Variants in SPATS2 observed in about 807,000 individuals in gnomAD.
SPATS2 encodes the protein spermatogenesis associated serine rich 2.
A neutral mutation model predicts 63.7 loss-of-function variants in SPATS2; 38 were observed. That is an observed-to-expected ratio of 0.60 (90% CI 0.46 to 0.78). SPATS2 has a LOEUF of 0.78. Among genes scored for constraint, SPATS2 ranks in the 30% least tolerant of loss-of-function variants. The pLI, the probability that SPATS2 is intolerant of heterozygous loss-of-function variation, is 0.00. For synonymous variants in SPATS2, 207 were observed against 232.9 expected (o/e 0.89, Z 1.01); for missense variants, 588 against 666.2 (o/e 0.88, Z 1.29).
intron 8 of SPATS2, among the ~76,000 whole-genome samples, chr12:49,498,304 A>C (rs1178521879): frequency 1.3e-5 from 2 of 151,932 alleles, no homozygotes; most frequent in Non-Finnish European, 2.9e-5. Context: ...TGTTTCCAGC[A>C]ATCAATTATA....
intron 9 of SPATS2, among the ~76,000 whole-genome samples, chr12:49,510,464 T>C (rs1450103466): frequency 1.4e-5 from 2 of 144,020 alleles, no homozygotes; most frequent in Non-Finnish European, 3.0e-5. Flanking sequence ...CTTAGAGGGC[T>C]GAGGCGGGAG....
intron 8 of SPATS2, among the ~76,000 whole-genome samples, chr12:49,498,145 A>AAAAATATATATATATATATAT (rs66900382): frequency 2.0e-5 from 2 of 98,980 alleles, no homozygotes; most frequent in African/African-American, 9.8e-5. Context: ...AAAAAAAAAA[A>AAAAATATATATATATATATAT]ATATATATAT....
intron 2 of SPATS2, among the ~76,000 whole-genome samples, chr12:49,371,620 T>C (rs1943998508): frequency 6.6e-6 from 1 of 152,194 alleles, no homozygotes; most frequent in Admixed American, 6.5e-5. Flanking sequence ...GAGGTTGAAT[T>C]GGCTCATGGT....
Position 49,449,307 on chromosome 12 carries a change from A to G in SPATS2, c.-243-11463A>G, listed in dbSNP as rs1945574656. ...CTCAGCTCACTGCAACCTCCGCCTC[A>G]CGGGTTCAAGCGATTTTCCTGCCTC... is the stretch of plus-strand genomic sequence containing the variant. On this transcript the variant is annotated intron_variant, in intron 2 of 13. Transcript: ENST00000552918. 3.3e-5 allele frequency among the ~76,000 whole-genome samples: 5 copies of G among 152,032 alleles called. No homozygotes were observed. In the South Asian group the frequency reaches 1.0e-3, roughly 32 times the overall value.
intron 2 of SPATS2, among the ~76,000 whole-genome samples, chr12:49,373,600 T>G (rs1344592812): frequency 2.4e-5 from 3 of 125,306 alleles, no homozygotes; most frequent in Admixed American, 2.1e-4. Context: ...GAGACCAGCT[T>G]GGGCAACAGC....
intron 2 of SPATS2, among the ~76,000 whole-genome samples, chr12:49,431,175 G>GT (rs1335895540): frequency 2.6e-5 from 4 of 152,014 alleles, no homozygotes; most frequent in Non-Finnish European, 4.4e-5. Context: ...CAGGTATACA[G>GT]TTTTTATATA....
At chr12:49,513,741 G>T (rs1311123181) in intron 9 of SPATS2, among the ~76,000 whole-genome samples, 1 of 152,222 alleles carries the variant, frequency 6.6e-6, no homozygotes, top group African/African-American at 2.4e-5. Context: ...ATGGTCAGCT[G>T]TTGAAGACAT....
intron 2 of SPATS2, among the ~76,000 whole-genome samples, chr12:49,428,875 A>T (rs560568746): frequency 6.6e-6 from 1 of 152,224 alleles, no homozygotes; most frequent in South Asian, 2.1e-4. Flanking sequence ...CCGGAGTTTT[A>T]TATGTGTGTG....
rs1945981524 is a variant in SPATS2 at position 49,469,046 on chromosome 12, T to C, written c.25+8009T>C. On this transcript the variant is annotated intron_variant, in intron 3 of 13. Coordinates refer to ENST00000552918, the MANE Select transcript of SPATS2 (RefSeq NM_023071.4). ...AGGCAGGAGTATGTATCACTTGAGA[T>C]CAGGAGTTTGAAACTAGCCTGAGTA... Among the ~76,000 whole-genome samples, 5 of 151,650 alleles carry C rather than the reference T, an allele frequency of 3.3e-5. No homozygotes were observed. In the South Asian group the frequency reaches 1.0e-3, roughly 32 times the overall value.
chr12:49,522,928 C>G (rs1172285530), intron 12 of SPATS2, 75 bp downstream of exon 12: 1 of 1,252,072 alleles, frequency 8.0e-7, no homozygotes, highest in Non-Finnish European at 1.1e-6. Flanking sequence ...TTGTCTTCAC[C>G]ACTGATTCCT....
intron 9 of SPATS2, among the ~76,000 whole-genome samples, chr12:49,513,362 G>A (rs142798258): frequency 1.8e-3 from 278 of 152,230 alleles, no homozygotes; most frequent in African/African-American, 6.2e-3. Flanking sequence ...GCATGTTTGT[G>A]CAAGTATTAA....
chr12:49,485,752 G>GCT (rs1278604698), intron 4 of SPATS2, among the ~76,000 whole-genome samples: 1 of 149,932 alleles, frequency 6.7e-6, no homozygotes, highest in Non-Finnish European at 1.5e-5. Flanking sequence ...AGCTTTATGG[G>GCT]CTCTCTTTTT....
chr12:49,497,977 CAT>C (rs764362109), intron 8 of SPATS2, among the ~76,000 whole-genome samples: 4 of 151,640 alleles, frequency 2.6e-5, no homozygotes, highest in Middle Eastern at 3.4e-3. Flanking sequence ...ACAAATGAAA[CAT>C]AGAAATATAA....
intron 2 of SPATS2, among the ~76,000 whole-genome samples, chr12:49,454,772 C>T (rs1218756506): frequency 6.6e-6 from 1 of 151,636 alleles, no homozygotes; most frequent in Admixed American, 6.6e-5. Context: ...AGCCGTGACT[C>T]AGGAGGCTGA....
chr12:49,460,022 C>G (rs1304368174), intron 2 of SPATS2, among the ~76,000 whole-genome samples: 1 of 151,236 alleles, frequency 6.6e-6, no homozygotes, highest in South Asian at 2.1e-4. Context: ...GCAGGAGAAT[C>G]GCTTGAACCT....
intron 10 of SPATS2, among the ~76,000 whole-genome samples, chr12:49,516,190 T>A (rs1488991948): frequency 1.2e-4 from 8 of 68,986 alleles, no homozygotes; most frequent in Non-Finnish European, 1.3e-4. Flanking sequence ...TATATATATA[T>A]ATATATATAT....
intron 8 of SPATS2, among the ~76,000 whole-genome samples, chr12:49,498,402 A>G (rs1417747316): frequency 6.6e-6 from 1 of 152,078 alleles, no homozygotes; most frequent in Non-Finnish European, 1.5e-5. Context: ...AATGCAGTCC[A>G]TCCTTTTCTA....
chr12:49,374,729 G>A (rs1468361395), intron 2 of SPATS2, among the ~76,000 whole-genome samples: 2 of 152,130 alleles, frequency 1.3e-5, no homozygotes, highest in Non-Finnish European at 2.9e-5. Flanking sequence ...GGGAGGCCGA[G>A]GCGGGCAGAT....
chr12:49,480,167 C>T (rs1219635645), intron 3 of SPATS2, among the ~76,000 whole-genome samples: 8 of 152,204 alleles, frequency 5.3e-5, no homozygotes, highest in African/African-American at 1.2e-4. Context: ...CTTAGACTTA[C>T]TCCATACCTG....
Sources: gnomAD v4.1 joint callset for allele counts (sites outside exome capture counted in the v4.1 genomes callset) on GRCh38, gnomAD v4.1.1 for gene constraint, MANE v1.5 for transcripts, NCBI Gene and HGNC (gene_info 2026-07-23, HGNC 2026-07-21) for gene names.